The following SCN4A variants were observed in gnomAD, a reference collection of about 807,000 sequenced individuals.
The protein encoded by SCN4A is sodium channel protein type 4 subunit alpha.
SCN4A carries 83 observed loss-of-function variants against 162.0 expected under a neutral mutation model. The ratio of observed to expected loss-of-function variants is 0.51; its 90% CI spans 0.43 to 0.61. The LOEUF is 0.61. Among genes scored for constraint, SCN4A ranks in the 20% least tolerant of loss-of-function variants. SCN4A has a pLI of 0.00. For missense variants in SCN4A, 2,196 were observed against 2,462.5 expected (o/e 0.89, Z 2.29); for synonymous variants, 944 against 985.1 (o/e 0.96, Z 0.78).
chr17:63,970,904 G>T (rs556778916), intron 5 of SCN4A, among the ~76,000 whole-genome samples: 95 of 152,314 alleles, frequency 6.2e-4, no homozygotes, highest in African/African-American at 1.9e-3. Context: ...AAAGTGCTGG[G>T]ATTATAGGCG....
chr17:63,949,878 G>A (rs955013629), intron 14 of SCN4A, among the ~76,000 whole-genome samples: 4 of 151,990 alleles, frequency 2.6e-5, no homozygotes, highest in African/African-American at 9.7e-5. Flanking sequence ...GTAGCTCTGA[G>A]GGGGCAGGGG....
chr17:63,963,691 G>A lies in SCN4A; in HGVS notation c.1587C>T (p.Gly529=), dbSNP rs2144802886. ...ACTCACCTTCCATGGCGTCGGAGAT[G>A]CCGCTGTCTCCGCTGCTGCTCTGCC... is the stretch of plus-strand genomic sequence containing the variant. ...APRQSSSGDS[G]ISDAMEELEE... The change falls in exon 10 of 24, where the codon GGC becomes GGT. Residue 529 remains glycine, a synonymous_variant. Transcript: ENST00000435607. 1 of 1,590,930 alleles carries A rather than the reference G, an allele frequency of 6.3e-7. No individual in the cohort carries two copies. The highest frequency in any genetic ancestry group is 2.3e-5 in the East Asian group (1 of 43,962).
Position 63,951,320 on chromosome 17 carries a change from C to A in SCN4A, c.2853+104G>T. The A allele has an allele frequency of 1.3e-6, 1 of 779,636 alleles. No homozygotes were observed. The highest frequency in any genetic ancestry group is 1.9e-5 in the South Asian group (1 of 54,006). The allele number at this position is 779,636 out of a possible 1,614,324, so 48.3% of individuals were successfully genotyped here. A position where few individuals can be genotyped will look rare whatever the true frequency, so the allele number is the denominator to read the frequency against. ...CAACAATGCCATAGGGCACCACCCC[C>A]ATTTTACAGCTGGAGAAACTGAGGC... On this transcript the variant is annotated intron_variant, in intron 14 of 23. Transcript: ENST00000435607. The surrounding 1 kb of genome is among the most constrained non-coding windows in gnomAD (Gnocchi z 4.5).
chr17:63,952,512 C>A (rs547388098), intron 13 of SCN4A, among the ~76,000 whole-genome samples: 1 of 152,266 alleles, frequency 6.6e-6, no homozygotes, highest in East Asian at 1.9e-4. Context: ...GAACTGGGCT[C>A]AAGTCGCCGA....
chr17:63,952,479 A>C (rs1908945442), intron 13 of SCN4A, among the ~76,000 whole-genome samples: 1 of 151,874 alleles, frequency 6.6e-6, no homozygotes, highest in African/African-American at 2.4e-5. Context: ...CTTTACCTCC[A>C]CTTCTGGAGG....
rs1441058947 is a variant in SCN4A at position 63,966,114 on chromosome 17, G to T, written c.1230C>A (p.Asn410Lys). ...FRLMTQDYWE[N>K]LFQLTLRAAG... ...GGGGCAGCTGTACCAGCTGGAAGAG[G>T]TTCTCCCAATAGTCCTGTGTCATGA... is the stretch of plus-strand genomic sequence containing the variant. The change falls in exon 8 of 24, where the codon AAC (asparagine) becomes AAA (lysine). Residue 410 changes from asparagine to lysine, a missense_variant. Asn to Lys is a moderately conservative substitution (Grantham distance 94). Coordinates refer to ENST00000435607, the MANE Select transcript of SCN4A (RefSeq NM_000334.4). 6.3e-7 allele frequency: 1 copy of T among 1,583,434 alleles called. No individual in the cohort carries two copies. Among genetic ancestry groups the T allele is most frequent in the African/African-American group, 1.3e-5 (1 of 74,434 alleles).
In SCN4A at chr17:63,972,422, T is replaced by A. The variant is rs573162897; in HGVS notation, c.322A>T (p.Thr108Ser). The change falls in exon 2 of 24, where the codon ACA (threonine) becomes TCA (serine). Residue 108 changes from threonine to serine, a missense_variant. Physicochemically the swap from Thr to Ser is moderately conservative, Grantham distance 58 (BLOSUM62 1). Transcript: ENST00000435607. This position sits in a 1 kb window ranked among gnomAD's most constrained non-coding sequence, Gnocchi z 4.3. ...GGGCTCAGCAGGTAGAGAGCAGGTG[T>A]GGCGGAGAAGCGGAAGATGGCCTTG... is the stretch of plus-strand genomic sequence containing the variant. ...KGKAIFRFSA[T>S]PALYLLSPFS... The A allele has an allele frequency of 1.2e-6, 2 of 1,613,838 alleles. No individual in the cohort carries two copies. The highest frequency in any genetic ancestry group is 2.7e-5 in the African/African-American group (2 of 74,978).
At chr17:63,943,295 A>T (rs570963751) in intron 22 of SCN4A, among the ~76,000 whole-genome samples, 199 bp from the exon 23 acceptor site, 1 of 152,072 alleles carries the variant, frequency 6.6e-6, no homozygotes, top group East Asian at 1.9e-4. Context: ...GACCCATCAG[A>T]TCATGACAGG....
intron 8 of SCN4A, 21 bp downstream of exon 8, chr17:63,966,081 G>A (rs1909434443): frequency 1.3e-6 from 2 of 1,537,778 alleles, no homozygotes; most frequent in East Asian, 2.4e-5. Context: ...GGGTTGGGGG[G>A]CAGGGTGGGG....
chr17:63,961,777 C>T (rs1258894630), intron 10 of SCN4A: 3 of 300,106 alleles, frequency 1.0e-5, no homozygotes, highest in Non-Finnish European at 1.9e-5. Flanking sequence ...CCCTCTACTT[C>T]AAGTTCCACC....
In SCN4A at chr17:63,961,214, G is replaced by T. The variant is rs755046466; in HGVS notation, c.1824C>A (p.Asn608Lys). 1.6e-6 allele frequency: 2 copies of T among 1,214,622 alleles called. No individual in the cohort carries two copies. The highest frequency in any genetic ancestry group is 1.1e-6 in the Non-Finnish European group (1 of 897,212). The allele number at this position is 1,214,622 out of a possible 1,614,324, so 75.2% of individuals were successfully genotyped here. The change falls in exon 11 of 24, where the codon AAC becomes AAA. Residue 608 changes from asparagine (N) to lysine (K), a missense_variant. Physicochemically the swap from Asn to Lys is moderately conservative, Grantham distance 94. Coordinates refer to ENST00000435607, the MANE Select transcript of SCN4A (RefSeq NM_000334.4). ...EHYPMTEHFD[N>K]VLTVGNLVFT... is the part of the protein sequence containing the mutation. Reference sequence around the variant, plus strand: ...CTACCAGGTTGCCCACAGTGAGCACGTTGTCAAAGTGCTCCGTCATGGGGT... The same window carrying T: ...CTACCAGGTTGCCCACAGTGAGCACTTTGTCAAAGTGCTCCGTCATGGGGT...
rs756852107 is a variant in SCN4A at position 63,968,155 on chromosome 17, C to T, written c.904G>A (p.Gly302Ser). ...TCATTGCCATACCATGTGTCATTGCCGTACCACGTGTCATTGCTGTACCAC... is the reference window on the plus strand; with the variant it reads ...TCATTGCCATACCATGTGTCATTGCTGTACCACGTGTCATTGCTGTACCAC... ...TTWYSNDTWY[G>S]NDTWYGNEMW... Residue 302 changes from glycine (G) to serine (S), a missense_variant, in exon 6 of 24, where the codon GGC (glycine) becomes AGC (serine). By Grantham distance (56) the Gly-to-Ser change is moderately conservative. Coordinates refer to ENST00000435607, the MANE Select transcript of SCN4A (RefSeq NM_000334.4). 14 of 1,613,928 alleles carry T rather than the reference C, an allele frequency of 8.7e-6. No homozygotes were observed. In the East Asian group the frequency reaches 1.3e-4, roughly 15 times the overall value.
intron 8 of SCN4A, among the ~76,000 whole-genome samples, chr17:63,964,988 C>T (rs374943449): frequency 2.6e-5 from 4 of 152,218 alleles, no homozygotes; most frequent in African/African-American, 9.6e-5. Flanking sequence ...AGCTTTGCCA[C>T]AGTGCCTGGC....
rs369940323 is a variant in SCN4A, at chr17:63,945,279, C to A, written c.3720+81G>T. ...GGCGGTCCCCTAACCAGGAGTGACA[C>A]TGGGGTTGGGTACAACGAGAGGACC... On this transcript the variant is annotated intron_variant, in intron 19 of 23. Transcript: ENST00000435607. This position sits in a 1 kb window ranked among gnomAD's most constrained non-coding sequence, Gnocchi z 4.4. The A allele has an allele frequency of 4.7e-6, 6 of 1,273,884 alleles. No individual in the cohort carries two copies. The highest frequency in any genetic ancestry group is 5.5e-6 in the Non-Finnish European group (5 of 913,988). 78.9% of individuals were successfully genotyped at this position (1,273,884 alleles called of 1,614,324 possible).
intron 22 of SCN4A, among the ~76,000 whole-genome samples, chr17:63,943,462 C>A (rs2040175023): frequency 6.6e-6 from 1 of 152,048 alleles, no homozygotes; most frequent in Admixed American, 6.5e-5. Context: ...CCACTGGGGT[C>A]CCAGGTGGGA....
rs773033379 is a variant in SCN4A, at chr17:63,941,149, G to A, written c.5133C>T (p.Ser1711=). The A allele has an allele frequency of 1.9e-6, 3 of 1,613,910 alleles. No individual in the cohort carries two copies. The highest frequency in any genetic ancestry group is 1.1e-5 in the South Asian group (1 of 91,082). Residue 1711 remains serine, a synonymous_variant, in exon 24 of 24, where the codon TCC becomes TCT. Coordinates refer to ENST00000435607, the MANE Select transcript of SCN4A (RefSeq NM_000334.4). This position sits in a 1 kb window ranked among gnomAD's most constrained non-coding sequence, Gnocchi z 6.2. ...TGGTGATGGGCTCGTAGGACACCTT[G>A]GAGGGGTTGGCTGCCATGAACTTCT... The part of the protein sequence containing the change: ...MEEKFMAANP[S]KVSYEPITTT...
At chr17:63,953,268 G>A (rs529003262) in intron 13 of SCN4A, among the ~76,000 whole-genome samples, 91 of 152,212 alleles carry the variant, frequency 6.0e-4, no homozygotes, top group African/African-American at 2.1e-3. Context: ...GCTGAGGCAG[G>A]AGAATCGCTT....
At position 63,942,935 on chromosome 17, in the gene SCN4A, G is replaced by A; in HGVS notation, c.4179C>T (p.Ile1393=). ...DILYNINMIF[I]IIFTGECVLK... ...GCACGCACTCCCCTGTGAAGATGAT[G>A]ATGAAGATCATGTTGATGTTGTACA... Residue 1393 remains isoleucine (I), a synonymous_variant, in exon 23 of 24, where the codon ATC becomes ATT. Transcript: ENST00000435607. The A allele has an allele frequency of 6.2e-7, 1 of 1,614,052 alleles. No homozygotes were observed. The highest frequency in any genetic ancestry group is 8.5e-7 in the Non-Finnish European group (1 of 1,179,898).
chr17:63,972,911 G>A lies in SCN4A; in HGVS notation c.-70C>T. The A allele has an allele frequency of 6.8e-7, 1 of 1,472,290 alleles. No individual in the cohort carries two copies. The highest frequency in any genetic ancestry group is 1.4e-5 in the South Asian group (1 of 73,060). 91.2% of individuals were successfully genotyped at this position (1,472,290 alleles called of 1,614,324 possible). ...GGGGAGCTGCAGTGCGCAGCCCCGG[G>A]GTGCTGGGCGGCCGCCCCTCCCTGG... On this transcript the variant is annotated 5_prime_UTR_variant, in exon 1 of 24. Coordinates refer to ENST00000435607, the MANE Select transcript of SCN4A (RefSeq NM_000334.4). This position sits in a 1 kb window ranked among gnomAD's most constrained non-coding sequence, Gnocchi z 4.3.
Sources: allele counts gnomAD v4.1 joint callset (sites outside exome capture counted in the v4.1 genomes callset), GRCh38; gene constraint gnomAD v4.1.1; non-coding constraint Gnocchi (gnomAD v3.1); transcripts MANE v1.5; gene names NCBI Gene and HGNC (gene_info 2026-07-23, HGNC 2026-07-21).